ANKRD44: variants seen among roughly 807,000 people sequenced by gnomAD.
The protein encoded by ANKRD44 is serine/threonine-protein phosphatase 6 regulatory ankyrin repeat subunit B.
A neutral mutation model predicts 116.0 loss-of-function variants in ANKRD44; 35 were observed. The ratio of observed to expected loss-of-function variants is 0.30; its 90% CI spans 0.23 to 0.40. The LOEUF (loss-of-function observed/expected upper bound fraction) is 0.40. Ranked by LOEUF, ANKRD44 falls within the 10% of genes least tolerant of loss-of-function variation. The pLI is 1.00. For missense variants in ANKRD44, 1,014 were observed against 1,242.6 expected, an observed-to-expected ratio of 0.82 and a Z score of 2.77; for synonymous variants, 435 against 461.8, an observed-to-expected ratio of 0.94 and a Z score of 0.74.
intron 2 of ANKRD44, among the ~76,000 whole-genome samples, chr2:197,186,612 CTTTTTTTTTTTTTTTTTTTTTTTTT>C (rs149107038): frequency 2.0e-5 from 1 of 50,786 alleles, no homozygotes; most frequent in African/African-American, 4.7e-5. Context: ...GCTAATTTTT[CTTTTTTTTTTTTTTTTTTTTTTTTT>C]TTTTTTTTTT....
At chr2:197,093,531 T>C (rs911408930) in intron 10 of ANKRD44, among the ~76,000 whole-genome samples, 9 of 152,192 alleles carry the variant, frequency 5.9e-5, no homozygotes, top group Non-Finnish European at 1.2e-4. Context: ...AAAAAGTTAC[T>C]ACTTCAGTGC....
At chr2:197,056,707 A>T (rs1204347805) in intron 16 of ANKRD44, among the ~76,000 whole-genome samples, 1 of 152,204 alleles carries the variant, frequency 6.6e-6, no homozygotes, top group Non-Finnish European at 1.5e-5. Flanking sequence ...TATTTTAAAA[A>T]TTTTTAGTTA....
At chr2:197,167,550 G>C (rs1487630457) in intron 2 of ANKRD44, among the ~76,000 whole-genome samples, 1 of 152,124 alleles carries the variant, frequency 6.6e-6, no homozygotes, top group Non-Finnish European at 1.5e-5. Flanking sequence ...TACAGTTAAA[G>C]AAAATACTGT....
chr2:197,223,937 A>T (rs2081641750), intron 1 of ANKRD44, among the ~76,000 whole-genome samples: 1 of 152,132 alleles, frequency 6.6e-6, no homozygotes, highest in East Asian at 1.9e-4. Context: ...AATAATAAAA[A>T]GACGATTCCA....
At chr2:197,275,459 G>C (rs568733443) in intron 1 of ANKRD44, among the ~76,000 whole-genome samples, 4 of 147,202 alleles carry the variant, frequency 2.7e-5, no homozygotes, top group African/African-American at 7.5e-5. Flanking sequence ...AATACAACAC[G>C]CACTCATAAA....
intron 1 of ANKRD44, among the ~76,000 whole-genome samples, chr2:197,206,627 A>G (rs960423976): frequency 3.9e-5 from 6 of 152,100 alleles, no homozygotes; most frequent in Non-Finnish European, 8.8e-5. Context: ...AGGTAGGAGA[A>G]TGGCTTGAAC....
rs745880280 is a variant in ANKRD44, at chr2:197,125,454, G to A, written c.477C>T (p.Leu159=). ...CATTGATATTTGCCCCTTTGGCCAA[G>A]AGTAAATTGACCATCTGAAAGATAA... ...LNGHVEMVNL[L]LAKGANINAF... is the part of the protein sequence containing the mutation. Residue 159 remains leucine, a synonymous_variant, in exon 6 of 28, where the codon CTC becomes CTT. Coordinates refer to ENST00000282272, the MANE Select transcript of ANKRD44 (RefSeq NM_001195144.2). 3 of 1,613,842 alleles carry A rather than the reference G, an allele frequency of 1.9e-6. No homozygotes were observed. The East Asian group carries it at 6.7e-5, about 36-fold the overall frequency.
At chr2:197,047,747 T>C (rs1022445782) in intron 16 of ANKRD44, among the ~76,000 whole-genome samples, 1 of 151,946 alleles carries the variant, frequency 6.6e-6, no homozygotes, top group East Asian at 1.9e-4. Flanking sequence ...CCATCTCTAC[T>C]AAAAATACAA....
chr2:197,110,279 A>G (rs1217455865), intron 9 of ANKRD44, among the ~76,000 whole-genome samples: 2 of 151,960 alleles, frequency 1.3e-5, no homozygotes, highest in Non-Finnish European at 2.9e-5. Flanking sequence ...CGCCCACCTA[A>G]GCCTGTGATT....
intron 16 of ANKRD44, among the ~76,000 whole-genome samples, chr2:197,042,536 C>T (rs1574335806): frequency 6.6e-6 from 1 of 151,790 alleles, no homozygotes; most frequent in Non-Finnish European, 1.5e-5. Flanking sequence ...TTTCTTTCCT[C>T]CAGGCCTCCA....
At chr2:197,056,405 C>A (rs1416979021) in intron 16 of ANKRD44, among the ~76,000 whole-genome samples, 1 of 152,032 alleles carries the variant, frequency 6.6e-6, no homozygotes, top group Non-Finnish European at 1.5e-5. Flanking sequence ...AACAGAGTTA[C>A]TTTTTCTCCA....
At chr2:197,020,779 T>A (rs2076481004) in intron 17 of ANKRD44, among the ~76,000 whole-genome samples, 1 of 151,518 alleles carries the variant, frequency 6.6e-6, no homozygotes, top group Non-Finnish European at 1.5e-5. Context: ...TATTTCTTTT[T>A]TTTTATAATT....
rs773839262 is a variant in ANKRD44 at position 197,118,637 on chromosome 2, G to GAGAGAAAGAAAGAAAGAA, written c.906+2694_906+2695insTTCTTTCTTTCTTTCTCT. On this transcript the variant is annotated intron_variant, in intron 8 of 27. Coordinates refer to ENST00000282272, the MANE Select transcript of ANKRD44 (RefSeq NM_001195144.2). ...AGAAAGAGAGAGAGAGAGAGAGAGA[G>GAGAGAAAGAAAGAAAGAA]AGAAAGAAAGAAAGAAAGAAAGAAA... is the stretch of plus-strand genomic sequence containing the variant. Among the ~76,000 whole-genome samples the GAGAGAAAGAAAGAAAGAA allele has an allele frequency of 7.0e-3, 791 of 112,278 alleles. 4 individuals carry two copies. Among genetic ancestry groups the GAGAGAAAGAAAGAAAGAA allele is most frequent in the Non-Finnish European group, 9.6e-3 (506 of 52,918 alleles). The allele number at this position is 112,278 out of a possible 152,430, so 73.7% of individuals were successfully genotyped here. A position where few individuals can be genotyped will look rare whatever the true frequency, so the allele number is the denominator to read the frequency against.
intron 8 of ANKRD44, among the ~76,000 whole-genome samples, chr2:197,114,483 A>G (rs183012461): frequency 7.9e-5 from 12 of 152,350 alleles, no homozygotes; most frequent in African/African-American, 2.9e-4. Flanking sequence ...AGAACTCAGC[A>G]TTGCCTAAGG....
chr2:197,218,398 G>A (rs146625554), intron 1 of ANKRD44, among the ~76,000 whole-genome samples: 131 of 152,188 alleles, frequency 8.6e-4, no homozygotes, highest in Non-Finnish European at 1.7e-3. Flanking sequence ...TACCTTTCTG[G>A]ATCTTAGCTG....
intron 4 of ANKRD44, among the ~76,000 whole-genome samples, chr2:197,129,111 T>C (rs2125356248): frequency 6.6e-6 from 1 of 151,382 alleles, no homozygotes; most frequent in East Asian, 1.9e-4. Context: ...TGAATCATGC[T>C]CCTTCAAAGC....
intron 2 of ANKRD44, among the ~76,000 whole-genome samples, chr2:197,153,580 A>G (rs1343661965): frequency 2.6e-5 from 4 of 152,206 alleles, no homozygotes; most frequent in Non-Finnish European, 5.9e-5. Context: ...GGAAAGAGAA[A>G]GACAGAAAAC....
rs547422374 is a variant in ANKRD44, at chr2:197,005,763, G to A, written c.2278C>T (p.Leu760Phe). 4.3e-6 allele frequency: 7 copies of A among 1,614,248 alleles called. No homozygotes were observed. In the South Asian group the frequency reaches 4.4e-5, roughly 10 times the overall value. Reference protein sequence around the residue: ...TWLSELLQMALSEEDCCFKDN... With the variant: ...TWLSELLQMAFSEEDCCFKDN... ...TTGAAACAACAGTCCTCCTCAGAAAGAGCCATTTGGAGCAGCTCGCTCAGC... is the reference window on the plus strand; with the variant it reads ...TTGAAACAACAGTCCTCCTCAGAAAAAGCCATTTGGAGCAGCTCGCTCAGC... The change falls in exon 21 of 28, where the codon CTT (leucine) becomes TTT (phenylalanine). Residue 760 changes from leucine to phenylalanine, a missense_variant. Physicochemically the swap from Leu to Phe is conservative, Grantham distance 22 (BLOSUM62 0). Coordinates refer to ENST00000282272, the MANE Select transcript of ANKRD44 (RefSeq NM_001195144.2).
chr2:197,136,319 A>G, intron 4 of ANKRD44: 2 of 474,002 alleles, frequency 4.2e-6, no homozygotes, highest in East Asian at 3.6e-5. Flanking sequence ...TTGTAATGAT[A>G]TGCTTTCTGC....
Sources: allele counts gnomAD v4.1 joint callset (sites outside exome capture counted in the v4.1 genomes callset), GRCh38; gene constraint gnomAD v4.1.1; transcripts MANE v1.5; gene names NCBI Gene and HGNC (gene_info 2026-07-23, HGNC 2026-07-21).